The following TAF8 variants were observed in gnomAD, a reference collection of about 807,000 sequenced individuals.
TAF8 encodes the protein TATA-box binding protein associated factor 8.
A neutral mutation model predicts 36.5 loss-of-function variants in TAF8; 47 were observed. The ratio of observed to expected loss-of-function variants is 1.29; its 90% CI spans 1.02 to 1.64. The LOEUF is 1.64. Among genes scored for constraint, TAF8 ranks in the 40% most tolerant of loss-of-function variants. TAF8 has a pLI of 0.00. For missense variants in TAF8, 420 were observed against 407.6 expected, an observed-to-expected ratio of 1.03 and a Z score of -0.26; for synonymous variants, 175 against 159.5, an observed-to-expected ratio of 1.10 and a Z score of -0.73.
intron 5 of TAF8, 88 bp from the exon 6 acceptor site, chr6:42,066,224 C>A: frequency 6.5e-7 from 1 of 1,533,674 alleles, no homozygotes. Context: ...TTTTAGAGAA[C>A]AGGGCATAGC....
chr6:42,082,669 C>G lies in TAF8; in HGVS notation c.*5124C>G, dbSNP rs566577910. 1 of 152,168 alleles carries G rather than the reference C, an allele frequency of 6.6e-6. No homozygotes were observed. Among genetic ancestry groups the G allele is most frequent in the Non-Finnish European group, 1.5e-5 (1 of 68,032 alleles). 9.4% of individuals were successfully genotyped at this position (152,168 alleles called of 1,614,324 possible). A position where few individuals can be genotyped will look rare whatever the true frequency, so the allele number is the denominator to read the frequency against. On this transcript the variant is annotated 3_prime_UTR_variant, in exon 9 of 9. Coordinates refer to ENST00000372977, the MANE Select transcript of TAF8 (RefSeq NM_138572.3). ...TGGGACTTTTTGACGTTGGCTTTTTCAGTTCTGCATAATTCTCTTGAGGTC... is the reference window on the plus strand; with the variant it reads ...TGGGACTTTTTGACGTTGGCTTTTTGAGTTCTGCATAATTCTCTTGAGGTC...
chr6:42,050,554 G>C lies in TAF8; in HGVS notation c.13G>C (p.Ala5Pro). ...ACGCCAGAACAAGATGGCCGACGCG[G>C]CGGCCACAGCTGGGGCCGGTGGCTC... Reference protein sequence around the residue: MADAAATAGAGGSGT... With the variant: MADAPATAGAGGSGT... The change falls in exon 1 of 9, where the codon GCG (alanine) becomes CCG (proline). Residue 5 changes from alanine to proline, a missense_variant. Physicochemically the swap from Ala to Pro is conservative, Grantham distance 27 (BLOSUM62 -1). Coordinates refer to ENST00000372977, the MANE Select transcript of TAF8 (RefSeq NM_138572.3). The C allele has an allele frequency of 3.2e-6, 5 of 1,556,158 alleles. No individual in the cohort carries two copies. The highest frequency in any genetic ancestry group is 4.3e-6 in the Non-Finnish European group (5 of 1,150,252).
rs963909582 is a variant in TAF8, at chr6:42,057,659, C to T, written c.489+146C>T. On this transcript the variant is annotated intron_variant, in intron 5 of 8. Transcript: ENST00000372977. ...ATGTGGCCGGGCACATTGGCTCACA[C>T]CTGTAATCCCAGCATTTTAGGAGGC... 9.9e-6 allele frequency: 11 copies of T among 1,114,064 alleles called. No homozygotes were observed. The African/African-American group carries it at 1.6e-4, about 16-fold the overall frequency. The allele number at this position is 1,114,064 out of a possible 1,614,324, so 69.0% of individuals were successfully genotyped here. A position where few individuals can be genotyped will look rare whatever the true frequency, so the allele number is the denominator to read the frequency against.
At chr6:42,086,589 C>A (rs954525583), downstream of TAF8, 8 of 907,598 alleles carry the variant, frequency 8.8e-6, no homozygotes, top group African/African-American at 5.0e-5. Context: ...CCTTTTAAAT[C>A]ATCACAAGCA....
chr6:42,079,977 C>T lies in TAF8; in HGVS notation c.*2432C>T, dbSNP rs917064156. The T allele has an allele frequency of 3.1e-5, 30 of 977,480 alleles. No individual in the cohort carries two copies. Among genetic ancestry groups the T allele is most frequent in the South Asian group, 4.8e-5 (1 of 20,724 alleles). 60.6% of individuals were successfully genotyped at this position (977,480 alleles called of 1,614,324 possible). On this transcript the variant is annotated 3_prime_UTR_variant, in exon 9 of 9. Transcript: ENST00000372977. The stretch of plus-strand genomic sequence containing the variant: ...TAAGGAAAGAGCTGCTTGTCAGGAA[C>T]GGAAGAGGGGACGCTAGTAAAAAAA...
intron 2 of TAF8, among the ~76,000 whole-genome samples, chr6:42,055,212 C>A (rs1304848382): frequency 6.6e-6 from 1 of 152,252 alleles, no homozygotes; most frequent in East Asian, 1.9e-4. Context: ...GCCTGCGCCA[C>A]CACACCTGGT....
chr6:42,080,143 T>G lies in TAF8; in HGVS notation c.*2598T>G. On this transcript the variant is annotated 3_prime_UTR_variant, in exon 9 of 9. Transcript: ENST00000372977. ...ATTCAGTTCTTAGCGATTCTTGGCCTGATAAGTTTATGAACACAGCCCCAC... is the reference window on the plus strand; with the variant it reads ...ATTCAGTTCTTAGCGATTCTTGGCCGGATAAGTTTATGAACACAGCCCCAC... 3 of 985,422 alleles carry G rather than the reference T, an allele frequency of 3.0e-6. No homozygotes were observed. The highest frequency in any genetic ancestry group is 3.6e-6 in the Non-Finnish European group (3 of 829,950). The allele number at this position is 985,422 out of a possible 1,614,324, so 61.0% of individuals were successfully genotyped here.
rs1765889359 is a variant in TAF8, at chr6:42,080,443, G to C, written c.*2898G>C. The C allele has an allele frequency of 2.5e-6, 2 of 804,514 alleles. No individual in the cohort carries two copies. The highest frequency in any genetic ancestry group is 3.8e-5 in the African/African-American group (2 of 53,166). 49.8% of individuals were successfully genotyped at this position (804,514 alleles called of 1,614,324 possible). A position where few individuals can be genotyped will look rare whatever the true frequency, so the allele number is the denominator to read the frequency against. ...GCTGGAGTGCAATGGCGTGATCTCGGCTCACTGCAACCTCCACCTCCTGGG... is the reference window on the plus strand; with the variant it reads ...GCTGGAGTGCAATGGCGTGATCTCGCCTCACTGCAACCTCCACCTCCTGGG... On this transcript the variant is annotated 3_prime_UTR_variant, in exon 9 of 9. Coordinates refer to ENST00000372977, the MANE Select transcript of TAF8 (RefSeq NM_138572.3).
chr6:42,062,829 C>T (rs185815590), intron 5 of TAF8, among the ~76,000 whole-genome samples: 27 of 152,166 alleles, frequency 1.8e-4, no homozygotes, highest in Admixed American at 3.9e-4. Flanking sequence ...CATGAGCCAC[C>T]GTGCCTGGCC....
At position 42,077,064 on chromosome 6, in the gene TAF8, G is replaced by A. The variant is rs373992148; in HGVS notation, c.781-36G>A. The A allele has an allele frequency of 2.5e-6, 4 of 1,594,644 alleles. No individual in the cohort carries two copies. In the African/African-American group the frequency reaches 4.0e-5, roughly 16 times the overall value. On this transcript the variant is annotated intron_variant, in intron 7 of 8. Transcript: ENST00000372977. ...TAGGCATGATCTCTTTCCTTATGCT[G>A]TTGATGTTGTGCTTTATTTTGGCTT...
chr6:42,083,979 A>G (rs1228450062), downstream of TAF8, among the ~76,000 whole-genome samples: 1 of 152,004 alleles, frequency 6.6e-6, no homozygotes, highest in East Asian at 1.9e-4. Context: ...CAGGAGATTG[A>G]GACCATCCTG....
intron 7 of TAF8, among the ~76,000 whole-genome samples, chr6:42,074,986 G>A (rs1052422563): frequency 4.6e-5 from 7 of 152,076 alleles, no homozygotes; most frequent in Non-Finnish European, 7.4e-5. Flanking sequence ...GCCGAATGGA[G>A]GGAGCCTCTT....
intron 7 of TAF8, among the ~76,000 whole-genome samples, chr6:42,069,849 G>C (rs1381566163): frequency 1.3e-5 from 2 of 150,726 alleles, no homozygotes; most frequent in Non-Finnish European, 3.0e-5. Context: ...TGTGTGTAGA[G>C]CTTGAAGAGA....
chr6:42,051,625 G>A (rs79011983), intron 2 of TAF8, 112 bp downstream of exon 2: 30,122 of 1,341,656 alleles, frequency 0.022, 1,120 homozygotes, highest in South Asian at 0.16. Flanking sequence ...CTTAAGAGGG[G>A]AGAAAAAAAA....
intron 2 of TAF8, among the ~76,000 whole-genome samples, chr6:42,052,662 G>C (rs969023661): frequency 6.6e-6 from 1 of 152,138 alleles, no homozygotes; most frequent in Admixed American, 6.5e-5. Flanking sequence ...AGATTTAGAA[G>C]CCCGGGTGTG....
chr6:42,060,262 T>C (rs926912636), intron 5 of TAF8, among the ~76,000 whole-genome samples: 1 of 152,206 alleles, frequency 6.6e-6, no homozygotes, highest in Non-Finnish European at 1.5e-5. Flanking sequence ...AACAGTGTAC[T>C]ATAGTTTTTC....
Position 42,068,607 on chromosome 6 carries a change from G to A in TAF8, c.780G>A (p.Met260Ile), listed in dbSNP as rs1290965710. The A allele has an allele frequency of 6.2e-7, 1 of 1,612,486 alleles. No individual in the cohort carries two copies. Among genetic ancestry groups the A allele is most frequent in the Non-Finnish European group, 8.5e-7 (1 of 1,179,966 alleles). Residue 260 changes from methionine to isoleucine, a missense_variant and splice_region_variant, in exon 7 of 9, where the codon ATG becomes ATA. Met to Ile is a conservative substitution (Grantham distance 10, BLOSUM62 1). Coordinates refer to ENST00000372977, the MANE Select transcript of TAF8 (RefSeq NM_138572.3). The part of the protein sequence containing the change: ...DTENLALHIS[M>I]EDSGAEKENT... The stretch of plus-strand genomic sequence containing the variant: ...AGAACCTTGCTCTTCATATCAGCAT[G>A]GTGGGTTCCACCTTCTGCCTACCTC...
At chr6:42,052,324 C>CCCT (rs1445661817) in intron 2 of TAF8, among the ~76,000 whole-genome samples, 1 of 151,066 alleles carries the variant, frequency 6.6e-6, no homozygotes, top group African/African-American at 2.4e-5. Flanking sequence ...AAAGCCCCCC[C>CCCT]CCCCTTTTTT....
rs1413047456 is a variant in TAF8, at chr6:42,082,599, A to G, written c.*5054A>G. The G allele has an allele frequency of 6.6e-6, 1 of 152,232 alleles. No homozygotes were observed. Among genetic ancestry groups the G allele is most frequent in the Non-Finnish European group, 1.5e-5 (1 of 68,072 alleles). The allele number at this position is 152,232 out of a possible 1,614,324, so 9.4% of individuals were successfully genotyped here. On this transcript the variant is annotated 3_prime_UTR_variant, in exon 9 of 9. Transcript: ENST00000372977. ...AGTGATCCGCCCACCTCAGCCTCCC[A>G]AAGTGCTAGGATTATAGGTATGACC... is the stretch of plus-strand genomic sequence containing the variant.
Sources: gnomAD v4.1 joint callset for allele counts (sites outside exome capture counted in the v4.1 genomes callset) on GRCh38, gnomAD v4.1.1 for gene constraint, MANE v1.5 for transcripts, NCBI Gene and HGNC (gene_info 2026-07-23, HGNC 2026-07-21) for gene names.